The following UBAP2 variants were observed in gnomAD, a reference collection of about 807,000 sequenced individuals.
The protein encoded by UBAP2 is ubiquitin-associated protein 2.
UBAP2 carries 75 observed loss-of-function variants against 139.6 expected under a neutral mutation model. That is an observed-to-expected ratio of 0.54 (90% CI 0.45 to 0.65). UBAP2 has a LOEUF of 0.65. UBAP2 is among the 30% of genes least tolerant of loss of function. UBAP2 has a pLI of 0.00. For synonymous variants in UBAP2, 526 were observed against 526.2 expected (o/e 1.00, Z 0.01); for missense variants, 1,368 against 1,369.6 (o/e 1.00, Z 0.02).
intron 16 of UBAP2, chr9:33,938,795 CAAAAAA>C (rs10577457): frequency 2.7e-4 from 85 of 310,320 alleles, no homozygotes; most frequent in Middle Eastern, 1.2e-3. Context: ...GACTCCATCT[CAAAAAA>C]AAAAAAAAAA....
rs147071088 is a variant in UBAP2, at chr9:33,988,987, T to A, written c.428A>T (p.Asn143Ile). The A allele has an allele frequency of 1.3e-5, 21 of 1,613,164 alleles. No homozygotes were observed. Among genetic ancestry groups the A allele is most frequent in the Non-Finnish European group, 1.6e-5 (19 of 1,179,740 alleles). Residue 143 changes from asparagine (N) to isoleucine (I), a missense_variant, in exon 5 of 29, where the codon AAT (asparagine) becomes ATT (isoleucine). Physicochemically the swap from Asn to Ile is moderately radical, Grantham distance 149. Transcript: ENST00000379238. Reference sequence around the variant, plus strand: ...TCTGTACTTACATTCTCTGCCACGATTGCCGCCTCTTCCTTTCCGGTTGTT... The same window carrying A: ...TCTGTACTTACATTCTCTGCCACGAATGCCGCCTCTTCCTTTCCGGTTGTT... ...GNNNRKGRGG[N>I]RGREFRGEEN...
chr9:33,934,413 C>T (rs1824275241), intron 17 of UBAP2: 1 of 155,676 alleles, frequency 6.4e-6, no homozygotes, highest in Admixed American at 6.5e-5. Context: ...TTCTAAAACC[C>T]AGGGAAAGCA....
chr9:33,991,784 T>C (rs1821732324), intron 4 of UBAP2, among the ~76,000 whole-genome samples: 1 of 152,140 alleles, frequency 6.6e-6, no homozygotes, highest in Admixed American at 6.6e-5. Context: ...TAGGTTAGAA[T>C]ACAAAAAGTA....
chr9:33,983,346 T>G (rs1820932468), intron 6 of UBAP2, among the ~76,000 whole-genome samples: 1 of 152,152 alleles, frequency 6.6e-6, no homozygotes, highest in African/African-American at 2.4e-5. Context: ...GTAGTGGGAT[T>G]TCAGTCATGA....
chr9:34,046,003 G>A (rs1024387430), intron 1 of UBAP2, among the ~76,000 whole-genome samples: 2 of 152,040 alleles, frequency 1.3e-5, no homozygotes, highest in African/African-American at 4.8e-5. Context: ...TCAACACCAT[G>A]GGTACCATAA....
In UBAP2 at chr9:33,923,355, C is replaced by T. The variant is rs147232416; in HGVS notation, c.2896+24G>A. 6.2e-4 allele frequency: 998 copies of T among 1,614,030 alleles called. 7 individuals are homozygous for T. The highest frequency in any genetic ancestry group is 2.6e-4 in the Non-Finnish European group (306 of 1,179,912). ...GGCAAGCCTGTCTAACCCCATGTGT[C>T]TCTGTCTGGGAAGTACCCCTCACCT... On this transcript the variant is annotated intron_variant, in intron 25 of 28. Transcript: ENST00000379238.
chr9:34,010,124 A>G (rs1274331675), intron 2 of UBAP2, among the ~76,000 whole-genome samples: 12 of 704 alleles, frequency 0.017, no homozygotes, highest in African/African-American at 0.022. Flanking sequence ...CTGTCTATTA[A>G]AAAAAAAAAA....
chr9:34,040,558 C>T (rs555688674), intron 1 of UBAP2, among the ~76,000 whole-genome samples: 95 of 152,162 alleles, frequency 6.2e-4, no homozygotes, highest in African/African-American at 2.2e-3. Flanking sequence ...CCAGCCCAGC[C>T]AACATAGCGA....
chr9:34,020,154 A>G (rs1824796427), intron 1 of UBAP2, among the ~76,000 whole-genome samples: 1 of 150,826 alleles, frequency 6.6e-6, no homozygotes, highest in African/African-American at 2.4e-5. Context: ...CATTATTAAA[A>G]AAAAAAAAAA....
chr9:33,999,900 ATGTATGT>A (rs1564055699), intron 2 of UBAP2, among the ~76,000 whole-genome samples: 1 of 63,226 alleles, frequency 1.6e-5, no homozygotes, highest in African/African-American at 4.5e-5. Context: ...GTATGTATGT[ATGTATGT>A]TATTTTGAGA....
chr9:33,973,465 T>C (rs752870159), intron 6 of UBAP2, among the ~76,000 whole-genome samples: 1 of 152,220 alleles, frequency 6.6e-6, no homozygotes, highest in African/African-American at 2.4e-5. Flanking sequence ...TGTATTATAT[T>C]TGTGGTATTT....
intron 1 of UBAP2, among the ~76,000 whole-genome samples, chr9:34,038,592 T>C (rs886648882): frequency 2.0e-5 from 3 of 152,194 alleles, no homozygotes; most frequent in African/African-American, 7.2e-5. Context: ...GTGCTCAATG[T>C]TGCCCAGGCT....
At chr9:33,987,340 A>T (rs541915286) in intron 5 of UBAP2, among the ~76,000 whole-genome samples, 2 of 151,422 alleles carry the variant, frequency 1.3e-5, no homozygotes, top group African/African-American at 4.9e-5. Flanking sequence ...TGGACCCAAC[A>T]GGCGGAGGTT....
chr9:33,969,856 C>T (rs147258654), intron 8 of UBAP2, among the ~76,000 whole-genome samples: 1,875 of 150,404 alleles, frequency 0.012, 22 homozygotes, highest in Non-Finnish European at 0.021. Context: ...ACAGAGACCC[C>T]ACCTCAAACA....
In UBAP2 at chr9:34,006,169, G is replaced by A. The variant is rs376013810; in HGVS notation, c.100-7305C>T. ...AATCGCTTGAACCCGGGAGGCCAGA[G>A]GTTGCAGTGAGCCGAGATCGCACCA... On this transcript the variant is annotated intron_variant, in intron 2 of 28. Coordinates refer to ENST00000379238, the MANE Select transcript of UBAP2 (RefSeq NM_001370062.2). 5.3e-5 allele frequency among the ~76,000 whole-genome samples: 8 copies of A among 151,900 alleles called. No homozygotes were observed. In the East Asian group the frequency reaches 1.2e-3, roughly 22 times the overall value.
chr9:33,988,499 CT>C lies in UBAP2; in HGVS notation c.442+473del, dbSNP rs1176717308. ...ATCCTGCCTATTCAGCAACTTTCCT[CT>C]TAATCTAACCCTTGTCTATACCATG... On this transcript the variant is annotated intron_variant, in intron 5 of 28. Coordinates refer to ENST00000379238, the MANE Select transcript of UBAP2 (RefSeq NM_001370062.2). Among the ~76,000 whole-genome samples the C allele has an allele frequency of 2.0e-5, 3 of 152,228 alleles. No homozygotes were observed. In the East Asian group the frequency reaches 5.8e-4, roughly 29 times the overall value.
intron 1 of UBAP2, among the ~76,000 whole-genome samples, chr9:34,038,143 G>GAAAAAAAAAAAAA (rs78650365): frequency 7.9e-6 from 1 of 127,248 alleles, no homozygotes; most frequent in Non-Finnish European, 1.6e-5. Flanking sequence ...TCCAGCCTGG[G>GAAAAAAAAAAAAA]AAAAAAAAAA....
intron 6 of UBAP2, among the ~76,000 whole-genome samples, chr9:33,975,387 G>A (rs1378176281): frequency 4.0e-5 from 6 of 150,080 alleles, no homozygotes; most frequent in Non-Finnish European, 8.9e-5. Context: ...AGCTGAGATC[G>A]TGCCACTGCA....
intron 2 of UBAP2, among the ~76,000 whole-genome samples, chr9:34,016,305 A>AGAG (rs1203586852): frequency 4.4e-4 from 10 of 22,852 alleles, no homozygotes; most frequent in African/African-American, 1.5e-3. Flanking sequence ...AAGAGGAGGA[A>AGAG]GAGGAGGAAG....
Sources: gnomAD v4.1 joint callset for allele counts (sites outside exome capture counted in the v4.1 genomes callset) on GRCh38, gnomAD v4.1.1 for gene constraint, MANE v1.5 for transcripts, NCBI Gene and HGNC (gene_info 2026-07-23, HGNC 2026-07-21) for gene names.